Variants in ERC1 observed in about 807,000 individuals in gnomAD.
ERC1 encodes the protein ELKS/RAB6-interacting/CAST family member 1.
ERC1 carries 56 observed loss-of-function variants against 132.0 expected under a neutral mutation model. That is an observed-to-expected ratio of 0.42 (90% CI 0.34 to 0.53). ERC1 has a LOEUF of 0.53. ERC1 is among the 20% of genes least tolerant of loss of function. The pLI is 0.03. For synonymous variants in ERC1, 478 were observed against 476.1 expected, an observed-to-expected ratio of 1.00 and a Z score of -0.05; for missense variants, 1,202 against 1,349.9, an observed-to-expected ratio of 0.89 and a Z score of 1.72.
chr12:1,477,490 T>C (rs1340143757), intron 18 of ERC1, among the ~76,000 whole-genome samples: 1 of 152,064 alleles, frequency 6.6e-6, no homozygotes, highest in Non-Finnish European at 1.5e-5. Context: ...GGAAGAAATG[T>C]TGGGGCAGGC....
chr12:1,200,695 A>G (rs1050031115), intron 12 of ERC1, among the ~76,000 whole-genome samples: 5 of 152,014 alleles, frequency 3.3e-5, no homozygotes, highest in African/African-American at 1.2e-4. Flanking sequence ...AGTAGCTGGG[A>G]CTACAGGCGC....
intron 17 of ERC1, among the ~76,000 whole-genome samples, chr12:1,410,926 A>G (rs891264912): frequency 2.0e-5 from 3 of 152,020 alleles, no homozygotes; most frequent in Non-Finnish European, 2.9e-5. Context: ...AAAAAACTGT[A>G]CTGTGAACTA....
At chr12:1,416,299 A>G (rs1305032587) in intron 17 of ERC1, among the ~76,000 whole-genome samples, 1 of 152,302 alleles carries the variant, frequency 6.6e-6, no homozygotes, top group East Asian at 1.9e-4. Flanking sequence ...TAGAAGGGAG[A>G]AAAAGGAGGT....
intron 18 of ERC1, among the ~76,000 whole-genome samples, chr12:1,481,686 C>T (rs2094095412): frequency 6.6e-6 from 1 of 152,204 alleles, no homozygotes; most frequent in Admixed American, 6.5e-5. Flanking sequence ...CTTTTCGATT[C>T]TGTGATTCCC....
chr12:1,175,928 T>C (rs535149484), intron 8 of ERC1, among the ~76,000 whole-genome samples: 2 of 152,326 alleles, frequency 1.3e-5, no homozygotes, highest in African/African-American at 2.4e-5. Context: ...TCCACATCTT[T>C]AGTGACTACT....
intron 12 of ERC1, among the ~76,000 whole-genome samples, chr12:1,209,982 TACAAG>T (rs1957714590): frequency 1.3e-5 from 2 of 152,180 alleles, no homozygotes; most frequent in Admixed American, 6.6e-5. Flanking sequence ...TTGGCATGGG[TACAAG>T]AGTCAGGTTA....
chr12:1,394,357 G>A (rs566849837), intron 16 of ERC1, among the ~76,000 whole-genome samples: 12 of 152,256 alleles, frequency 7.9e-5, no homozygotes, highest in South Asian at 4.1e-4. Flanking sequence ...CCGAGATTGC[G>A]CCACTGCACT....
intron 1 of ERC1, among the ~76,000 whole-genome samples, chr12:1,025,803 T>TTTTG (rs1410285728): frequency 6.7e-6 from 1 of 149,428 alleles, no homozygotes; most frequent in African/African-American, 2.5e-5. Context: ...AGTTTTTTTT[T>TTTTG]TTTTTTTTTT....
rs1228919345 is a variant in ERC1, at chr12:1,329,208, C to T, written c.2780+39196C>T. ...ACTTGGGAGGCTGAGGCAGGAGAAT[C>T]ACTTGAACCCCAGAGGCGGAGGTTG... On this transcript the variant is annotated intron_variant, in intron 15 of 18. Transcript: ENST00000360905. 2.1e-5 allele frequency among the ~76,000 whole-genome samples: 3 copies of T among 145,122 alleles called. 1 individual carries two copies. The highest frequency in any genetic ancestry group is 4.5e-5 in the Non-Finnish European group (3 of 66,768).
chr12:1,263,855 A>G (rs142473800), intron 14 of ERC1, among the ~76,000 whole-genome samples: 2,704 of 152,040 alleles, frequency 0.018, 78 homozygotes, highest in African/African-American at 0.06. Context: ...ACGCCCAGCT[A>G]ATTTTTGTAT....
chr12:1,165,606 T>A (rs1049918873), intron 8 of ERC1, among the ~76,000 whole-genome samples: 1 of 152,166 alleles, frequency 6.6e-6, no homozygotes, highest in Non-Finnish European at 1.5e-5. Context: ...GTGCTGGGAT[T>A]ACAGGTATGA....
At chr12:1,489,367 A>G (rs887028435) in intron 18 of ERC1, among the ~76,000 whole-genome samples, 9 of 152,194 alleles carry the variant, frequency 5.9e-5, no homozygotes, top group African/African-American at 2.2e-4. Context: ...GCCACAGCAC[A>G]TGCTCAAGCC....
intron 15 of ERC1, among the ~76,000 whole-genome samples, chr12:1,345,084 A>G (rs1474373869): frequency 1.3e-5 from 2 of 152,218 alleles, no homozygotes; most frequent in Admixed American, 6.5e-5. Flanking sequence ...TCCTATGCAC[A>G]TATAGAAAAA....
At chr12:1,061,142 T>G (rs1937781875) in intron 2 of ERC1, among the ~76,000 whole-genome samples, 1 of 152,214 alleles carries the variant, frequency 6.6e-6, no homozygotes, top group South Asian at 2.1e-4. Flanking sequence ...AATTTATCCA[T>G]TCCTTCTAGG....
At chr12:990,964 T>TGTGTGTGTGTGTGTGCGCGC (rs1565724264), upstream of ERC1, 1 of 151,882 alleles carries the variant, frequency 6.6e-6, no homozygotes, top group African/African-American at 2.4e-5. Context: ...TGTGTGTGTG[T>TGTGTGTGTGTGTGTGCGCGC]GTGCAGGGAC....
intron 14 of ERC1, among the ~76,000 whole-genome samples, chr12:1,272,965 A>C (rs2077979255): frequency 6.6e-6 from 1 of 151,722 alleles, no homozygotes; most frequent in African/African-American, 2.4e-5. Flanking sequence ...AAAAAAAAAA[A>C]AAAAAAACCT....
intron 7 of ERC1, among the ~76,000 whole-genome samples, chr12:1,140,852 T>C (rs1240411936): frequency 6.6e-6 from 1 of 152,158 alleles, no homozygotes; most frequent in Non-Finnish European, 1.5e-5. Context: ...AGCTCATTAA[T>C]AGTTTTTTAT....
At chr12:1,356,199 CAA>C (rs559125501) in intron 15 of ERC1, among the ~76,000 whole-genome samples, 38 of 110,570 alleles carry the variant, frequency 3.4e-4, no homozygotes, top group African/African-American at 9.3e-4. Flanking sequence ...GTGAGACTGT[CAA>C]AAAAAAAAAA....
intron 15 of ERC1, among the ~76,000 whole-genome samples, chr12:1,310,697 G>A (rs1011481568): frequency 1.3e-5 from 2 of 152,222 alleles, no homozygotes; most frequent in African/African-American, 4.8e-5. Flanking sequence ...CCTTGCCAAA[G>A]ATTTTCCGTA....
Sources: allele counts gnomAD v4.1 joint callset (sites outside exome capture counted in the v4.1 genomes callset), GRCh38; gene constraint gnomAD v4.1.1; transcripts MANE v1.5; gene names NCBI Gene and HGNC (gene_info 2026-07-23, HGNC 2026-07-21).